Variants in AP3S1 observed in about 807,000 individuals in gnomAD.
AP3S1 encodes the protein AP-3 complex subunit sigma-1.
In AP3S1, 12 loss-of-function variants were observed where a neutral mutation model predicts 21.3. That is an observed-to-expected ratio of 0.56 (90% CI 0.36 to 0.91). AP3S1 has a LOEUF of 0.91. Among genes scored for constraint, AP3S1 ranks in the 40% least tolerant of loss-of-function variants. The pLI, the probability that AP3S1 is intolerant of heterozygous loss-of-function variation, is 0.01. For missense variants in AP3S1, 116 were observed against 225.0 expected, an observed-to-expected ratio of 0.52 and a Z score of 3.10; for synonymous variants, 48 against 78.4, an observed-to-expected ratio of 0.61 and a Z score of 2.05.
intron 2 of AP3S1, among the ~76,000 whole-genome samples, chr5:115,868,316 A>G (rs918799067): frequency 4.6e-5 from 7 of 152,322 alleles, no homozygotes; most frequent in East Asian, 1.9e-4. Context: ...GCTGATTCAG[A>G]ATGGAGTAAA....
chr5:115,908,065 TACTC>T (rs1751802584), intron 5 of AP3S1, among the ~76,000 whole-genome samples: 2 of 152,198 alleles, frequency 1.3e-5, no homozygotes, highest in South Asian at 4.1e-4. Flanking sequence ...AATTTTTACT[TACTC>T]TCTCGATGTG....
At chr5:115,851,948 A>T (rs1050407595) in intron 1 of AP3S1, among the ~76,000 whole-genome samples, 6 of 152,156 alleles carry the variant, frequency 3.9e-5, no homozygotes, top group Non-Finnish European at 8.8e-5. Context: ...TTAACCAATC[A>T]ATGTGGACTT....
At chr5:115,905,869 G>T (rs576107777) in intron 5 of AP3S1, among the ~76,000 whole-genome samples, 3 of 152,270 alleles carry the variant, frequency 2.0e-5, no homozygotes, top group East Asian at 3.9e-4. Flanking sequence ...TTAATGACTT[G>T]TTTGGCTGGG....
At chr5:115,896,476 A>G (rs1750762347) in intron 4 of AP3S1, among the ~76,000 whole-genome samples, 3 of 152,132 alleles carry the variant, frequency 2.0e-5, no homozygotes, top group South Asian at 2.1e-4. Context: ...AGGGTTCACA[A>G]TATTCAAAAT....
At chr5:115,868,470 T>G (rs950845534) in intron 2 of AP3S1, among the ~76,000 whole-genome samples, 6 of 152,154 alleles carry the variant, frequency 3.9e-5, no homozygotes, top group African/African-American at 1.4e-4. Context: ...TAGTAGGAAA[T>G]TTTTATTCTT....
At chr5:115,880,244 G>A (rs937214628) in intron 3 of AP3S1, among the ~76,000 whole-genome samples, 2 of 152,166 alleles carry the variant, frequency 1.3e-5, no homozygotes, top group South Asian at 4.2e-4. Flanking sequence ...TCTTCTGCTA[G>A]CTTTTGAATT....
intron 3 of AP3S1, among the ~76,000 whole-genome samples, chr5:115,893,561 A>G (rs1014677731): frequency 6.6e-6 from 1 of 152,190 alleles, no homozygotes; most frequent in Non-Finnish European, 1.5e-5. Flanking sequence ...CCCTAACCCT[A>G]CGTTGTTCAA....
Position 115,906,083 on chromosome 5 carries a change from G to A in AP3S1, c.453+3091G>A, listed in dbSNP as rs373679970. ...TGACGCGCAAGAATCGCCCGATTCC[G>A]GGAGGCGGAGGTTGCAGTGAGCTGA... On this transcript the variant is annotated intron_variant, in intron 5 of 5. Coordinates refer to ENST00000316788, the MANE Select transcript of AP3S1 (RefSeq NM_001284.4). Among the ~76,000 whole-genome samples the A allele has an allele frequency of 5.1e-4, 78 of 152,292 alleles. 1 individual carries two copies. In the East Asian group the frequency reaches 0.013, roughly 26 times the overall value.
chr5:115,894,882 A>G (rs1354206803), intron 3 of AP3S1, among the ~76,000 whole-genome samples: 2 of 152,166 alleles, frequency 1.3e-5, no homozygotes, highest in East Asian at 3.8e-4. Flanking sequence ...TTCTATACTT[A>G]TGTATTGAAA....
chr5:115,909,101 G>A, intron 5 of AP3S1: 2 of 409,902 alleles, frequency 4.9e-6, no homozygotes, highest in Non-Finnish European at 6.5e-6. Context: ...AAAAAAAAAA[G>A]ATATTTTAAG....
At chr5:115,866,798 A>G (rs1362565328) in intron 2 of AP3S1, 37 bp downstream of exon 2, 2 of 1,420,562 alleles carry the variant, frequency 1.4e-6, no homozygotes, top group Non-Finnish European at 2.0e-6. Flanking sequence ...CTAAGTTTTG[A>G]CTATGTGATT....
chr5:115,844,108 G>T (rs1761879842), intron 1 of AP3S1, among the ~76,000 whole-genome samples: 4 of 152,188 alleles, frequency 2.6e-5, no homozygotes, highest in Admixed American at 2.6e-4. Context: ...TGTCTTTCAG[G>T]AATAATTTAA....
chr5:115,872,652 T>G (rs1253203655), intron 3 of AP3S1, among the ~76,000 whole-genome samples: 1 of 152,180 alleles, frequency 6.6e-6, no homozygotes, highest in Non-Finnish European at 1.5e-5. Context: ...GGGGCCTACT[T>G]GAGAAACACT....
chr5:115,889,615 C>T (rs1580711409), intron 3 of AP3S1, among the ~76,000 whole-genome samples: 1 of 152,098 alleles, frequency 6.6e-6, no homozygotes, highest in African/African-American at 2.4e-5. Flanking sequence ...AATGAAAAGG[C>T]AAGCCACAGA....
At chr5:115,847,267 G>C (rs1341946087) in intron 1 of AP3S1, among the ~76,000 whole-genome samples, 3 of 152,174 alleles carry the variant, frequency 2.0e-5, no homozygotes, top group African/African-American at 7.2e-5. Context: ...GAAAGGAGTG[G>C]ATGGTGGGTA....
At chr5:115,891,008 A>G (rs1461346152) in intron 3 of AP3S1, among the ~76,000 whole-genome samples, 2 of 152,194 alleles carry the variant, frequency 1.3e-5, no homozygotes, top group Non-Finnish European at 1.5e-5. Context: ...GCATTACCCC[A>G]TTCAGTCCTC....
chr5:115,901,173 G>A (rs1489845815), intron 4 of AP3S1, among the ~76,000 whole-genome samples: 3 of 151,876 alleles, frequency 2.0e-5, no homozygotes, highest in Admixed American at 6.6e-5. Flanking sequence ...GCAGAACTGC[G>A]AAAATTAATG....
chr5:115,902,366 A>T (rs775869108), intron 4 of AP3S1, among the ~76,000 whole-genome samples: 108 of 152,258 alleles, frequency 7.1e-4, no homozygotes, highest in Non-Finnish European at 1.3e-3. Context: ...ATTTGGGGGT[A>T]AAAACACTAT....
intron 3 of AP3S1, among the ~76,000 whole-genome samples, chr5:115,883,822 C>G (rs1749525689): frequency 6.6e-6 from 1 of 152,144 alleles, no homozygotes; most frequent in African/African-American, 2.4e-5. Context: ...CAATTTATAT[C>G]AATATGAGCT....
Sources: allele counts gnomAD v4.1 joint callset (sites outside exome capture counted in the v4.1 genomes callset), GRCh38; gene constraint gnomAD v4.1.1; transcripts MANE v1.5; gene names NCBI Gene and HGNC (gene_info 2026-07-23, HGNC 2026-07-21).